The following OXNAD1 variants were observed in gnomAD, a reference collection of about 807,000 sequenced individuals.
OXNAD1 encodes oxidoreductase NAD binding domain containing 1.
Under a neutral mutation model 32.9 loss-of-function variants are expected in OXNAD1, and 34 were observed. The observed-to-expected ratio is 1.03, with a 90% CI of 0.79 to 1.38. OXNAD1 has a LOEUF of 1.38. OXNAD1 is among the 40% of genes most tolerant of loss of function. The pLI, the probability that OXNAD1 is intolerant of heterozygous loss-of-function variation, is 0.00. For synonymous variants in OXNAD1, 134 were observed against 135.2 expected (o/e 0.99, Z 0.06); for missense variants, 407 against 379.4 (o/e 1.07, Z -0.60).
At chr3:16,308,849 G>A (rs191488933), downstream of OXNAD1, among the ~76,000 whole-genome samples, 18 of 152,172 alleles carry the variant, frequency 1.2e-4, no homozygotes, top group East Asian at 3.3e-3. This position sits in a 1 kb window ranked among gnomAD's most constrained non-coding sequence, Gnocchi z 4.4. Flanking sequence ...GTCCTATTTT[G>A]CTATATTTGA....
intron 9 of OXNAD1, among the ~76,000 whole-genome samples, chr3:16,343,379 A>C (rs1366476434): frequency 2.0e-5 from 3 of 152,212 alleles, no homozygotes; most frequent in African/African-American, 7.2e-5. Context: ...AAAACAGTCT[A>C]CTTCCTTCCT....
At position 16,301,884 on chromosome 3, in the gene OXNAD1, C is replaced by G; in HGVS notation, c.675+16C>G. The G allele has an allele frequency of 6.2e-7, 1 of 1,609,556 alleles. No homozygotes were observed. The highest frequency in any genetic ancestry group is 8.5e-7 in the Non-Finnish European group (1 of 1,176,886). On this transcript the variant is annotated intron_variant, in intron 7 of 8. Transcript: ENST00000285083. This position sits in a 1 kb window ranked among gnomAD's most constrained non-coding sequence, Gnocchi z 4.1. ...CCTGTTTAAGGTAAGGGAGGTATAGCTTGCTGTAAGCAAACTTGTGTAGTG... is the reference window on the plus strand; with the variant it reads ...CCTGTTTAAGGTAAGGGAGGTATAGGTTGCTGTAAGCAAACTTGTGTAGTG...
In OXNAD1 at chr3:16,297,606, TCAG is replaced by T; in HGVS notation, c.432+2613_432+2615del. On this transcript the variant is annotated intron_variant, in intron 6 of 8. Coordinates refer to ENST00000285083, the MANE Select transcript of OXNAD1 (RefSeq NM_138381.5). The surrounding 1 kb of genome is among the most constrained non-coding windows in gnomAD (Gnocchi z 4.3). ...CTTCTAGAAACAACCCAAATGTCCC[TCAG>T]CAGGTGAATGGATAACTTGTGATAT... Among the ~76,000 whole-genome samples the T allele has an allele frequency of 2.0e-5, 3 of 152,344 alleles. No homozygotes were observed. Among genetic ancestry groups the T allele is most frequent in the Middle Eastern group, 6.8e-3 (2 of 294 alleles).
rs1482455215 is a variant in OXNAD1, at chr3:16,298,364, G to A, written c.433-3262G>A. ...CCCTGTTATCCTTAGCTTCTCACGC[G>A]ACCTGGCCTGGTCCTGGTCCACAGC... On this transcript the variant is annotated intron_variant, in intron 6 of 8. Coordinates refer to ENST00000285083, the MANE Select transcript of OXNAD1 (RefSeq NM_138381.5). The surrounding 1 kb of genome is among the most constrained non-coding windows in gnomAD (Gnocchi z 5.1). 6.6e-6 allele frequency among the ~76,000 whole-genome samples: 1 copy of A among 152,048 alleles called. No homozygotes were observed. Among genetic ancestry groups the A allele is most frequent in the Non-Finnish European group, 1.5e-5 (1 of 68,022 alleles).
At position 16,271,986 on chromosome 3, in the gene OXNAD1, A is replaced by G. The variant is rs1183246229; in HGVS notation, c.183+264A>G. Among the ~76,000 whole-genome samples, 2 of 152,214 alleles carry G rather than the reference A, an allele frequency of 1.3e-5. No individual in the cohort carries two copies. The highest frequency in any genetic ancestry group is 2.9e-5 in the Non-Finnish European group (2 of 68,036). Reference sequence around the variant, plus strand: ...AAGTAGAGCAGCAACTGAGGGAGCCATCCTCACAGGTATGATGTTTAGGGT... The same window carrying G: ...AAGTAGAGCAGCAACTGAGGGAGCCGTCCTCACAGGTATGATGTTTAGGGT... On this transcript the variant is annotated intron_variant, in intron 4 of 8. Coordinates refer to ENST00000285083, the MANE Select transcript of OXNAD1 (RefSeq NM_138381.5). This position sits in a 1 kb window ranked among gnomAD's most constrained non-coding sequence, Gnocchi z 4.6.
Position 16,277,679 on chromosome 3 carries a change from G to A in OXNAD1, c.183+5957G>A, listed in dbSNP as rs185915735. Among the ~76,000 whole-genome samples the A allele has an allele frequency of 2.6e-5, 4 of 152,258 alleles. No homozygotes were observed. ...GGACTGTGTTGCTACTCTTGGAGTCGACAGGAAATGGAATACTCACCCAGA... is the reference window on the plus strand; with the variant it reads ...GGACTGTGTTGCTACTCTTGGAGTCAACAGGAAATGGAATACTCACCCAGA... On this transcript the variant is annotated intron_variant, in intron 4 of 8. Coordinates refer to ENST00000285083, the MANE Select transcript of OXNAD1 (RefSeq NM_138381.5). This position sits in a 1 kb window ranked among gnomAD's most constrained non-coding sequence, Gnocchi z 4.3.
rs969883651 is a variant in OXNAD1 at position 16,334,773 on chromosome 3, G to A, written c.*31-2339G>A. ...AGGAGCCTGTGAAAATGTTCCCTTCGCATGGTAAAGGGATGTGGCAGATAT... is the reference window on the plus strand; with the variant it reads ...AGGAGCCTGTGAAAATGTTCCCTTCACATGGTAAAGGGATGTGGCAGATAT... On this transcript the variant is annotated intron_variant, in intron 9 of 9. Coordinates refer to the OXNAD1 transcript ENST00000435829. The surrounding 1 kb of genome is among the most constrained non-coding windows in gnomAD (Gnocchi z 4.3). Among the ~76,000 whole-genome samples, 3 of 152,296 alleles carry A rather than the reference G, an allele frequency of 2.0e-5. No homozygotes were observed. Among genetic ancestry groups the A allele is most frequent in the South Asian group, 2.1e-4 (1 of 4,818 alleles).
At chr3:16,308,806 A>C (rs1014078969), downstream of OXNAD1, among the ~76,000 whole-genome samples, 2 of 152,222 alleles carry the variant, frequency 1.3e-5, no homozygotes, top group Admixed American at 6.5e-5. The surrounding 1 kb of genome is among the most constrained non-coding windows in gnomAD (Gnocchi z 4.4). Flanking sequence ...GGAGCTCATC[A>C]GCCTAACCTG....
chr3:16,345,817 TGCGCGCGCGC>T lies in OXNAD1; in HGVS notation c.*31-3357_*31-3348del, dbSNP rs1553726165. ...GTGTGTGTGTGTGTGTGTGTGTGTG[TGCGCGCGCGC>T]GTGCGCGCACGCGCACATGTGCATG... On this transcript the variant is annotated intron_variant, in intron 9 of 9. Transcript: ENST00000606098. The surrounding 1 kb of genome is among the most constrained non-coding windows in gnomAD (Gnocchi z 5.2). Among the ~76,000 whole-genome samples, 2,745 of 74,500 alleles carry T rather than the reference TGCGCGCGCGC, an allele frequency of 0.037. 38 individuals carry two copies. The highest frequency in any genetic ancestry group is 0.1 in the Middle Eastern group (15 of 148). 48.9% of individuals were successfully genotyped at this position (74,500 alleles called of 152,430 possible).
At chr3:16,332,983 AAC>A (rs2070479251) in intron 9 of OXNAD1, among the ~76,000 whole-genome samples, 1 of 152,200 alleles carries the variant, frequency 6.6e-6, no homozygotes, top group Non-Finnish European at 1.5e-5. Flanking sequence ...ATCTGGTCGC[AAC>A]AGTTTTGCAA....
chr3:16,348,326 G>A lies in OXNAD1; in HGVS notation c.*31-850G>A, dbSNP rs2071872322. On this transcript the variant is annotated intron_variant, in intron 9 of 9. Transcript: ENST00000606098. This position sits in a 1 kb window ranked among gnomAD's most constrained non-coding sequence, Gnocchi z 6.3. The stretch of plus-strand genomic sequence containing the variant: ...CATTATCTATTATTGAAGGCATCTA[G>A]GAGATCATCCACATTATCCAATATG... 6.6e-6 allele frequency among the ~76,000 whole-genome samples: 1 copy of A among 151,768 alleles called. No individual in the cohort carries two copies. The highest frequency in any genetic ancestry group is 1.5e-5 in the Non-Finnish European group (1 of 67,996).
chr3:16,281,168 T>A (rs930543528), intron 4 of OXNAD1, among the ~76,000 whole-genome samples: 3 of 152,242 alleles, frequency 2.0e-5, no homozygotes, highest in African/African-American at 7.2e-5. Context: ...TTAATCCACA[T>A]TGCTAGAAAT....
chr3:16,275,781 CTG>C, intron 4 of OXNAD1: 1 of 164,306 alleles, frequency 6.1e-6, no homozygotes, highest in Non-Finnish European at 1.4e-5. Context: ...ATGAATTATC[CTG>C]TGCTGACCTG....
chr3:16,286,215 C>T, intron 4 of OXNAD1, 127 bp from the exon 5 acceptor site: 1 of 695,910 alleles, frequency 1.4e-6, no homozygotes, highest in Non-Finnish European at 2.5e-6. Context: ...TGTGTTTTAC[C>T]TTGTTTGGCA....
intron 1 of OXNAD1, among the ~76,000 whole-genome samples, chr3:16,266,072 GA>G (rs2124945004): frequency 6.6e-6 from 1 of 152,296 alleles, no homozygotes; most frequent in South Asian, 2.1e-4. Flanking sequence ...GCATTGTAGT[GA>G]AAAAGCACTT....
downstream of OXNAD1, among the ~76,000 whole-genome samples, chr3:16,338,347 G>A (rs906343399): frequency 6.6e-6 from 1 of 152,224 alleles, no homozygotes; most frequent in Non-Finnish European, 1.5e-5. The surrounding 1 kb of genome is among the most constrained non-coding windows in gnomAD (Gnocchi z 5.3). Flanking sequence ...GCGGCTAAGG[G>A]GCGATGGCTG....
chr3:16,267,059 T>C (rs1055354198), intron 1 of OXNAD1, among the ~76,000 whole-genome samples: 1 of 152,252 alleles, frequency 6.6e-6, no homozygotes, highest in Non-Finnish European at 1.5e-5. Context: ...ATGTCATGAT[T>C]GTTCTTTGAA....
rs2064463736 is a variant in OXNAD1, at chr3:16,265,934, C to G, written c.-159+429C>G. The G allele has an allele frequency of 3.1e-5, 30 of 980,160 alleles. 1 individual carries two copies. In the South Asian group the frequency reaches 6.1e-4, roughly 20 times the overall value. 60.7% of individuals were successfully genotyped at this position (980,160 alleles called of 1,614,324 possible). ...TTATCAGTGTGAGGCCTATGTATGC[C>G]TTGAAGCGAAATGCAGATAAAAGGC... is the stretch of plus-strand genomic sequence containing the variant. On this transcript the variant is annotated intron_variant, in intron 1 of 8. Transcript: ENST00000285083. The surrounding 1 kb of genome is among the most constrained non-coding windows in gnomAD (Gnocchi z 4.8).
At chr3:16,307,739 TTTTG>T (rs2067663284), downstream of OXNAD1, among the ~76,000 whole-genome samples, 2 of 21,436 alleles carry the variant, frequency 9.3e-5, no homozygotes, top group Non-Finnish European at 1.6e-4. Context: ...TTTTTAAACT[TTTTG>T]TTTTGAAGTA....
Sources: gnomAD v4.1 joint callset for allele counts (sites outside exome capture counted in the v4.1 genomes callset) on GRCh38, gnomAD v4.1.1 for gene constraint, Gnocchi (gnomAD v3.1) non-coding constraint, MANE v1.5 for transcripts, NCBI Gene and HGNC (gene_info 2026-07-23, HGNC 2026-07-21) for gene names.